GLRX3: variants seen among roughly 807,000 people sequenced by gnomAD.
GLRX3 encodes the protein glutaredoxin-3.
GLRX3 carries 22 observed loss-of-function variants against 49.5 expected under a neutral mutation model. The observed-to-expected ratio is 0.44, with a 90% CI of 0.32 to 0.63. The LOEUF (loss-of-function observed/expected upper bound fraction) is 0.63, where lower values mean the gene tolerates loss of function less well. Ranked by LOEUF, GLRX3 falls within the 30% of genes least tolerant of loss-of-function variation. The probability of loss-of-function intolerance (pLI) is 0.05; values close to 1 mark genes in which losing one functional copy is unlikely to be tolerated. For missense variants in GLRX3, 385 were observed against 396.3 expected, an observed-to-expected ratio of 0.97 and a Z score of 0.24; for synonymous variants, 133 against 140.0, an observed-to-expected ratio of 0.95 and a Z score of 0.35.
chr10:130,165,646 A>G (rs1428511725), intron 4 of GLRX3, among the ~76,000 whole-genome samples: 1 of 152,252 alleles, frequency 6.6e-6, no homozygotes, highest in Admixed American at 6.5e-5. Context: ...TGTGTATTTT[A>G]GACTACAGGA....
chr10:130,139,118 G>A lies in GLRX3; in HGVS notation c.92+2606G>A, dbSNP rs548467723. Among the ~76,000 whole-genome samples the A allele has an allele frequency of 2.3e-3, 356 of 151,654 alleles. 1 individual carries two copies. Among genetic ancestry groups the A allele is most frequent in the Middle Eastern group, 3.4e-3 (1 of 294 alleles). On this transcript the variant is annotated intron_variant, in intron 1 of 10. Transcript: ENST00000331244. ...TTAGGTGATGGGCCCGCTTCCCAGC[G>A]TGCTGGGATTACAGGCATGAGCCAC...
At chr10:130,154,749 G>T (rs959128906) in intron 2 of GLRX3, among the ~76,000 whole-genome samples, 3 of 151,944 alleles carry the variant, frequency 2.0e-5, no homozygotes, top group African/African-American at 7.3e-5. Flanking sequence ...TTAATATTCG[G>T]TCAAAATTTA....
intron 2 of GLRX3, among the ~76,000 whole-genome samples, chr10:130,147,304 G>A (rs1862288236): frequency 6.6e-6 from 1 of 152,210 alleles, no homozygotes; most frequent in African/African-American, 2.4e-5. Flanking sequence ...ATTGTTCTAA[G>A]TCTGCTTTTA....
Position 130,169,223 on chromosome 10 carries a change from C to T in GLRX3, c.714-210C>T, listed in dbSNP as rs186231638. Reference sequence around the variant, plus strand: ...TTAAATTGCAACTTGAAGGAACATTCGTTGCCTTAAAAGCCATATTGTGTT... The same window carrying T: ...TTAAATTGCAACTTGAAGGAACATTTGTTGCCTTAAAAGCCATATTGTGTT... On this transcript the variant is annotated intron_variant, in intron 6 of 10. Transcript: ENST00000331244. Among the ~76,000 whole-genome samples, 8 of 152,210 alleles carry T rather than the reference C, an allele frequency of 5.3e-5. No homozygotes were observed. In the East Asian group the frequency reaches 5.8e-4, roughly 11 times the overall value.
At position 130,174,982 on chromosome 10, in the gene GLRX3, C is replaced by T. The variant is rs751098636; in HGVS notation, c.865-15C>T. The T allele has an allele frequency of 1.9e-5, 30 of 1,594,450 alleles. No homozygotes were observed. The highest frequency in any genetic ancestry group is 4.5e-5 in the East Asian group (2 of 44,768). On this transcript the variant is annotated splice_polypyrimidine_tract_variant and intron_variant, in intron 9 of 10. Transcript: ENST00000331244. ...GCCTGATAGGATGGTTTCAGGATTC[C>T]TGTTGTTTCTTTAGGTTCGGCAAGG...
intron 1 of GLRX3, among the ~76,000 whole-genome samples, chr10:130,142,280 A>G (rs1344837553): frequency 1.3e-5 from 2 of 152,038 alleles, no homozygotes; most frequent in African/African-American, 4.8e-5. Flanking sequence ...CACCTGAGAG[A>G]AAACAGGATT....
At chr10:130,168,046 A>G (rs998849057) in intron 6 of GLRX3, among the ~76,000 whole-genome samples, 1 of 152,172 alleles carries the variant, frequency 6.6e-6, no homozygotes, top group Non-Finnish European at 1.5e-5. Context: ...TGCTGAGTGC[A>G]CTTGCCGCTG....
intron 2 of GLRX3, among the ~76,000 whole-genome samples, chr10:130,153,100 T>G (rs1218308186): frequency 6.6e-6 from 1 of 152,220 alleles, no homozygotes; most frequent in Non-Finnish European, 1.5e-5. Context: ...GAATCGGCTA[T>G]TGAAGCTTGT....
intron 2 of GLRX3, 153 bp from the exon 3 acceptor site, chr10:130,159,842 T>TCATTTA: frequency 7.4e-7 from 1 of 1,352,682 alleles, no homozygotes; most frequent in Non-Finnish European, 9.7e-7. Flanking sequence ...CCAGTGAGTC[T>TCATTTA]CATTTAAATG....
At chr10:130,179,962 T>A (rs1433079502), downstream of GLRX3, among the ~76,000 whole-genome samples, 1 of 152,200 alleles carries the variant, frequency 6.6e-6, no homozygotes, top group African/African-American at 2.4e-5. Flanking sequence ...TAGTGAATTA[T>A]CAAGAAACAT....
chr10:130,176,499 A>G (rs1862923161), intron 10 of GLRX3, among the ~76,000 whole-genome samples: 1 of 152,172 alleles, frequency 6.6e-6, no homozygotes, highest in African/African-American at 2.4e-5. Flanking sequence ...CTTTGGACCA[A>G]TATGTTTTAT....
chr10:130,161,585 G>A (rs1053700116), intron 4 of GLRX3, among the ~76,000 whole-genome samples: 6 of 152,170 alleles, frequency 3.9e-5, no homozygotes, highest in African/African-American at 4.8e-5. Flanking sequence ...TTGGCTTGTA[G>A]TCACTCTTAT....
chr10:130,137,924 C>G (rs1273525255), intron 1 of GLRX3, among the ~76,000 whole-genome samples: 1 of 151,940 alleles, frequency 6.6e-6, no homozygotes. Context: ...TTTATAGAGA[C>G]GAGGTCTCGC....
chr10:130,177,548 C>CA (rs1162773032), intron 10 of GLRX3, among the ~76,000 whole-genome samples: 9 of 152,328 alleles, frequency 5.9e-5, no homozygotes, highest in Admixed American at 5.9e-4. Flanking sequence ...GATGAGGAAA[C>CA]AGAGACATAG....
At chr10:130,145,545 C>T (rs1257703510) in intron 2 of GLRX3, among the ~76,000 whole-genome samples, 2 of 151,946 alleles carry the variant, frequency 1.3e-5, no homozygotes, top group East Asian at 1.9e-4. Context: ...GCCTATAATC[C>T]CAGCTATGTG....
intron 2 of GLRX3, among the ~76,000 whole-genome samples, chr10:130,154,574 T>C (rs774924282): frequency 2.0e-5 from 3 of 152,196 alleles, no homozygotes; most frequent in African/African-American, 7.2e-5. Flanking sequence ...ATTTTTTTTT[T>C]TTTAATATCA....
chr10:130,162,886 A>T (rs949771847), intron 4 of GLRX3, among the ~76,000 whole-genome samples: 1 of 152,160 alleles, frequency 6.6e-6, no homozygotes, highest in East Asian at 1.9e-4. Flanking sequence ...GCTGTTGGGA[A>T]CAAGATTGGC....
chr10:130,145,252 AGT>A lies in GLRX3; in HGVS notation c.138_139del (p.Ala47ThrfsTer11), dbSNP rs775375212. 2 of 1,570,182 alleles carry A rather than the reference AGT, an allele frequency of 1.3e-6. No individual in the cohort carries two copies. The highest frequency in any genetic ancestry group is 1.7e-5 in the Admixed American group (1 of 59,768). The stretch of plus-strand genomic sequence containing the variant: ...CATTTCTGGGCACCATGGGCTCCAC[AGT>A]GTGCACAGATGAACGAAGTTATGGC... On this transcript the variant is annotated frameshift_variant, in exon 2 of 11. Coordinates refer to ENST00000331244, the MANE Select transcript of GLRX3 (RefSeq NM_006541.5). LOFTEE classifies it high-confidence loss of function.
chr10:130,176,773 T>TG lies in GLRX3; in HGVS notation c.957+1684_957+1685insG, dbSNP rs756358553. Among the ~76,000 whole-genome samples the TG allele has an allele frequency of 7.4e-3, 819 of 110,840 alleles. 8 individuals are homozygous for TG. Among genetic ancestry groups the TG allele is most frequent in the African/African-American group, 0.022 (593 of 27,348 alleles). The allele number at this position is 110,840 out of a possible 152,430, so 72.7% of individuals were successfully genotyped here. A position where few individuals can be genotyped will look rare whatever the true frequency, so the allele number is the denominator to read the frequency against. On this transcript the variant is annotated intron_variant, in intron 10 of 10. Transcript: ENST00000331244. The stretch of plus-strand genomic sequence containing the variant: ...CCTTCCCTCCCTCCCTCCCTCCCTC[T>TG]TTCTCTCTCTCTCTCTCTCTATATA...
Sources: allele counts gnomAD v4.1 joint callset (sites outside exome capture counted in the v4.1 genomes callset), GRCh38; gene constraint gnomAD v4.1.1; transcripts MANE v1.5; gene names NCBI Gene and HGNC (gene_info 2026-07-23, HGNC 2026-07-21).